Variants in SMARCD1 observed in about 807,000 individuals in gnomAD.
SMARCD1 encodes the protein SWI/SNF related BAF chromatin remodeling complex subunit D1, also known as SWI/SNF-related matrix-associated actin-dependent regulator of chromatin subfamily D member 1.
A neutral mutation model predicts 70.8 loss-of-function variants in SMARCD1; 16 were observed. The ratio of observed to expected loss-of-function variants is 0.23; its 90% CI spans 0.15 to 0.34. SMARCD1 has a LOEUF of 0.34. Ranked by LOEUF, SMARCD1 falls within the 10% of genes least tolerant of loss-of-function variation. The pLI is 1.00. For missense variants in SMARCD1, 409 were observed against 655.5 expected (o/e 0.62, Z 4.11); for synonymous variants, 249 against 246.0 (o/e 1.01, Z -0.11).
chr12:50,085,587 G>A, intron 1 of SMARCD1, 41 bp downstream of exon 1: 1 of 1,219,738 alleles, frequency 8.2e-7, no homozygotes, highest in Non-Finnish European at 1.0e-6. Flanking sequence ...CCGGGGGCGG[G>A]GCCGAGCGGG....
chr12:50,093,117 A>G (rs138241801), intron 9 of SMARCD1, among the ~76,000 whole-genome samples: 410 of 151,964 alleles, frequency 2.7e-3, no homozygotes, highest in African/African-American at 9.4e-3. Context: ...CAGAGGTTGC[A>G]GTGAGCCAAG....
chr12:50,085,832 T>C (rs1258595451), intron 1 of SMARCD1: 6 of 391,842 alleles, frequency 1.5e-5, no homozygotes, highest in Non-Finnish European at 2.7e-5. Flanking sequence ...GCAGCTCCAG[T>C]GATCAGAGGA....
intron 9 of SMARCD1, among the ~76,000 whole-genome samples, chr12:50,091,275 ATTT>A (rs1231476985): frequency 2.9e-5 from 4 of 139,358 alleles, no homozygotes; most frequent in Non-Finnish European, 1.6e-5. Context: ...TGAAATCAGA[ATTT>A]TTTTTTTTTT....
intron 9 of SMARCD1, among the ~76,000 whole-genome samples, chr12:50,092,235 C>CTTTTTTTTTTTTTTTTTTTTTTTTTTTT (rs60619880): frequency 8.8e-5 from 8 of 91,150 alleles, no homozygotes; most frequent in Admixed American, 2.9e-4. Context: ...TTCTTTCTTT[C>CTTTTTTTTTTTTTTTTTTTTTTTTTTTT]TTTTTTTTTT....
At chr12:50,086,996 C>T in intron 4 of SMARCD1, 118 bp downstream of exon 4, 2 of 1,037,928 alleles carry the variant, frequency 1.9e-6, no homozygotes, top group South Asian at 3.0e-5. Context: ...AATTGCATCT[C>T]TCCCTTCCGC....
Position 50,087,254 on chromosome 12 carries a change from T to G in SMARCD1, c.532-109T>G, listed in dbSNP as rs899175855. ...TCATCCACCCACCCAAGGGACTGGG[T>G]AGACAGTAAGCCAGTCTGTTAGGAG... On this transcript the variant is annotated intron_variant, in intron 4 of 12. Transcript: ENST00000394963. 13 of 1,327,570 alleles carry G rather than the reference T, an allele frequency of 9.8e-6. No individual in the cohort carries two copies. In the Middle Eastern group the frequency reaches 6.0e-4, roughly 62 times the overall value. 82.2% of individuals were successfully genotyped at this position (1,327,570 alleles called of 1,614,324 possible). A position where few individuals can be genotyped will look rare whatever the true frequency, so the allele number is the denominator to read the frequency against.
At chr12:50,089,387 G>A (rs1381567016) in intron 6 of SMARCD1, 1 of 155,026 alleles carries the variant, frequency 6.5e-6, no homozygotes, top group Non-Finnish European at 1.4e-5. Context: ...CTAAGAATGT[G>A]GACTGTAGAA....
chr12:50,089,052 C>T (rs1418544397), intron 6 of SMARCD1: 3 of 153,114 alleles, frequency 2.0e-5, no homozygotes, highest in African/African-American at 7.2e-5. Flanking sequence ...CATTATAGAT[C>T]TGGGACTTCC....
intron 9 of SMARCD1, among the ~76,000 whole-genome samples, 180 bp downstream of exon 9, chr12:50,090,770 A>C (rs1028780235): frequency 3.3e-5 from 5 of 151,628 alleles, no homozygotes; most frequent in Non-Finnish European, 1.5e-5. Context: ...AGTGGGTAAC[A>C]TATATTCAAA....
At chr12:50,098,410 A>G in intron 11 of SMARCD1, 2 of 366,790 alleles carry the variant, frequency 5.5e-6, no homozygotes, top group South Asian at 6.0e-5. Context: ...CTTGGCTTGT[A>G]GGTGGTGGTC....
chr12:50,086,590 C>T (rs200838005), intron 2 of SMARCD1, 31 bp from the exon 3 acceptor site: 1 of 1,609,098 alleles, frequency 6.2e-7, no homozygotes, highest in East Asian at 2.2e-5. Flanking sequence ...TAGTTCTGTC[C>T]CAACCTGATA....
At chr12:50,094,703 G>A in intron 10 of SMARCD1, 131 bp downstream of exon 10, 2 of 827,578 alleles carry the variant, frequency 2.4e-6, no homozygotes, top group Non-Finnish European at 3.8e-6. Context: ...GCTTGGTGCT[G>A]GTTTGAGCCA....
rs1432497699 is a variant in SMARCD1, at chr12:50,097,506, C to G, written c.1392+534C>G. On this transcript the variant is annotated intron_variant, in intron 11 of 12. Coordinates refer to ENST00000394963, the MANE Select transcript of SMARCD1 (RefSeq NM_003076.5). ...AGCAGAGGTTGCAGTGAGCCAAGAT[C>G]GTGCCGCTGCACTCCAGCCTGGGTG... Among the ~76,000 whole-genome samples the G allele has an allele frequency of 4.6e-5, 7 of 151,510 alleles. No homozygotes were observed. In the East Asian group the frequency reaches 9.8e-4, roughly 21 times the overall value.
In SMARCD1 at chr12:50,099,846, C is replaced by A. The variant is rs1200266056; in HGVS notation, c.*846C>A. The A allele has an allele frequency of 6.5e-6, 1 of 152,976 alleles. No individual in the cohort carries two copies. The highest frequency in any genetic ancestry group is 1.5e-5 in the Non-Finnish European group (1 of 68,282). The allele number at this position is 152,976 out of a possible 1,614,324, so 9.5% of individuals were successfully genotyped here. ...TGGAGATGTGACTCATTCATTCACT[C>A]ACTCCACCCTGCCTCTGCATCCCTT... is the stretch of plus-strand genomic sequence containing the variant. On this transcript the variant is annotated 3_prime_UTR_variant, in exon 13 of 13. Coordinates refer to ENST00000394963, the MANE Select transcript of SMARCD1 (RefSeq NM_003076.5).
At chr12:50,087,311 C>T (rs1950800529) in intron 4 of SMARCD1, 52 bp from the exon 5 acceptor site, 6 of 1,599,088 alleles carry the variant, frequency 3.8e-6, no homozygotes, top group Non-Finnish European at 4.3e-6. Flanking sequence ...CCGTTGTCTT[C>T]AACATCAGAC....
chr12:50,087,321 C>A (rs779469183), intron 4 of SMARCD1, 42 bp from the exon 5 acceptor site: 1 of 1,605,668 alleles, frequency 6.2e-7, no homozygotes, highest in Non-Finnish European at 8.5e-7. Flanking sequence ...CAACATCAGA[C>A]CACTGAAGCC....
chr12:50,091,536 A>G (rs1950843599), intron 9 of SMARCD1, among the ~76,000 whole-genome samples: 1 of 151,942 alleles, frequency 6.6e-6, no homozygotes, highest in Admixed American at 6.5e-5. Flanking sequence ...TGGCTTCCCA[A>G]AGTGCTGGGA....
intron 5 of SMARCD1, 160 bp from the exon 6 acceptor site, chr12:50,088,361 T>C (rs1950811011): frequency 1.4e-6 from 1 of 693,992 alleles, no homozygotes; most frequent in Non-Finnish European, 2.7e-6. Context: ...ATTGGTTTAA[T>C]ACCTGCAGAT....
chr12:50,096,852 C>T lies in SMARCD1; in HGVS notation c.1272C>T (p.Ile424=), dbSNP rs201193664. 1 of 1,606,346 alleles carries T rather than the reference C, an allele frequency of 6.2e-7. No individual in the cohort carries two copies. The highest frequency in any genetic ancestry group is 8.5e-7 in the Non-Finnish European group (1 of 1,174,352). The change falls in exon 11 of 13, where the codon ATC becomes ATT. Residue 424 remains isoleucine (I), a splice_region_variant and synonymous_variant. Transcript: ENST00000394963. ...ATGAGCTTCGTTCTTCCTTTCAGAT[C>T]CATGAGACAATAGAAACCATCAACC... ...QQEIATLDNK[I]HETIETINQL...
Sources: gnomAD v4.1 joint callset for allele counts (sites outside exome capture counted in the v4.1 genomes callset) on GRCh38, gnomAD v4.1.1 for gene constraint, MANE v1.5 for transcripts, NCBI Gene and HGNC (gene_info 2026-07-23, HGNC 2026-07-21) for gene names.